Variants in LYN observed in about 807,000 individuals in gnomAD.
LYN encodes the protein LYN proto-oncogene, Src family tyrosine kinase.
A neutral mutation model predicts 65.0 loss-of-function variants in LYN; 12 were observed. The ratio of observed to expected loss-of-function variants is 0.18; its 90% confidence interval spans 0.12 to 0.30. LYN has a LOEUF of 0.30. Ranked by LOEUF, LYN falls within the 10% of genes least tolerant of loss-of-function variation. LYN has a pLI of 1.00. For missense variants in LYN, 380 were observed against 623.2 expected (o/e 0.61, Z 4.16); for synonymous variants, 222 against 221.2 (o/e 1.00, Z -0.03).
intron 10 of LYN, among the ~76,000 whole-genome samples, chr8:55,987,424 T>C (rs965252999): frequency 2.7e-5 from 4 of 147,752 alleles, no homozygotes; most frequent in African/African-American, 7.6e-5. Flanking sequence ...AAAAAAAAAA[T>C]CTTTTCTGTT....
intron 1 of LYN, among the ~76,000 whole-genome samples, chr8:55,916,841 A>G (rs1393593719): frequency 2.0e-5 from 3 of 152,038 alleles, no homozygotes; most frequent in African/African-American, 4.8e-5. Context: ...GAGGTCAGGG[A>G]TAGTTATTAT....
intron 8 of LYN, among the ~76,000 whole-genome samples, chr8:55,954,228 T>C (rs954072259): frequency 6.6e-6 from 1 of 152,244 alleles, no homozygotes; most frequent in Non-Finnish European, 1.5e-5. Flanking sequence ...TAATGGGTAT[T>C]TATCTTGATC....
intron 2 of LYN, among the ~76,000 whole-genome samples, chr8:55,942,419 GTA>G (rs201314597): frequency 0.051 from 6,712 of 130,916 alleles, 486 homozygotes; most frequent in African/African-American, 0.16. Flanking sequence ...ATATATGTGT[GTA>G]TATATATATA....
chr8:55,931,051 T>A (rs1377606029), intron 1 of LYN, among the ~76,000 whole-genome samples: 1 of 150,504 alleles, frequency 6.6e-6, no homozygotes, highest in Non-Finnish European at 1.5e-5. Context: ...AAAACTTTTT[T>A]ATTTTTCTGT....
rs1181155896 is a variant in LYN, at chr8:55,911,162, T to TATATATACGTGTATATATATGTAC, written c.-5-30685_-5-30684insGTGTATATATATGTACATATATAC. ...ATATATACGTGTATATATATGTACA[T>TATATATACGTGTATATATATGTAC]ATATATACACGTATATATATATATA... On this transcript the variant is annotated intron_variant, in intron 1 of 12. Coordinates refer to ENST00000519728, the MANE Select transcript of LYN (RefSeq NM_002350.4). Among the ~76,000 whole-genome samples the TATATATACGTGTATATATATGTAC allele has an allele frequency of 5.2e-4, 17 of 32,570 alleles. 4 individuals are homozygous for TATATATACGTGTATATATATGTAC. Among genetic ancestry groups the TATATATACGTGTATATATATGTAC allele is most frequent in the African/African-American group, 1.3e-3 (14 of 11,134 alleles). 21.4% of individuals were successfully genotyped at this position (32,570 alleles called of 152,430 possible). A position where few individuals can be genotyped will look rare whatever the true frequency, so the allele number is the denominator to read the frequency against.
chr8:55,948,434 C>A (rs1355557930), intron 4 of LYN, among the ~76,000 whole-genome samples: 12 of 152,220 alleles, frequency 7.9e-5, no homozygotes, highest in Admixed American at 7.9e-4. Context: ...TGAGCTACAG[C>A]AGCTGTGTTG....
rs56923750 is a variant in LYN at position 55,909,993 on chromosome 8, CT to C, written c.-6+29907del. Reference sequence around the variant, plus strand: ...GTTGTTTGTGTGTGTGTGTGTGTGTCTTTTTTTTTTTTTTTTTGAGTTGTTT... The same window carrying C: ...GTTGTTTGTGTGTGTGTGTGTGTGTCTTTTTTTTTTTTTTTTGAGTTGTTT... On this transcript the variant is annotated intron_variant, in intron 1 of 12. Transcript: ENST00000519728. Among the ~76,000 whole-genome samples, 627 of 138,046 alleles carry C rather than the reference CT, an allele frequency of 4.5e-3. 1 individual carries two copies. Among genetic ancestry groups the C allele is most frequent in the South Asian group, 9.2e-3 (41 of 4,470 alleles). 90.6% of individuals were successfully genotyped at this position (138,046 alleles called of 152,430 possible).
chr8:55,958,424 A>G (rs954753615), intron 8 of LYN, among the ~76,000 whole-genome samples: 2 of 152,246 alleles, frequency 1.3e-5, no homozygotes, highest in African/African-American at 4.8e-5. Flanking sequence ...TCTTGAGAAA[A>G]TACATCACTT....
In LYN at chr8:56,014,001, C is replaced by T. The variant is rs947489910; in HGVS notation, c.*3891C>T. On this transcript the variant is annotated 3_prime_UTR_variant, in exon 13 of 13. Coordinates refer to ENST00000519728, the MANE Select transcript of LYN (RefSeq NM_002350.4). ...ATTCTTTACTCAGGGCCCTCTTGTG[C>T]TTTGGCAAATGATAAAAATTATCTC... 2.6e-5 allele frequency: 4 copies of T among 152,200 alleles called. No homozygotes were observed. The highest frequency in any genetic ancestry group is 1.5e-5 in the Non-Finnish European group (1 of 68,036). The allele number at this position is 152,200 out of a possible 1,614,324, so 9.4% of individuals were successfully genotyped here.
intron 1 of LYN, among the ~76,000 whole-genome samples, chr8:55,881,822 C>T (rs1585556444): frequency 6.6e-6 from 1 of 152,180 alleles, no homozygotes; most frequent in South Asian, 2.1e-4. Context: ...ACAGTGGAAG[C>T]TCCATGAAAA....
intron 2 of LYN, among the ~76,000 whole-genome samples, chr8:55,944,012 C>T (rs962337633): frequency 1.3e-5 from 2 of 151,822 alleles, no homozygotes; most frequent in Non-Finnish European, 2.9e-5. Flanking sequence ...GAACCAGGAC[C>T]CGGGAGGGAG....
At chr8:56,003,061 TG>T (rs1050196800) in intron 12 of LYN, among the ~76,000 whole-genome samples, 3 of 150,642 alleles carry the variant, frequency 2.0e-5, no homozygotes, top group African/African-American at 7.4e-5. Context: ...TTTTGTTTTT[TG>T]TTTTTTTTTT....
At position 55,966,786 on chromosome 8, in the gene LYN, C is replaced by G. The variant is rs1431342818; in HGVS notation, c.862C>G (p.Leu288Val). The part of the protein sequence containing the change: ...KPGTMSVQAF[L>V]EEANLMKTLQ... ...AGGAACTATGTCTGTGCAAGCCTTC[C>G]TGGAAGAAGCCAACCTCATGAAGAC... The change falls in exon 9 of 13, where the codon CTG becomes GTG. Residue 288 changes from leucine to valine, a missense_variant. Transcript: ENST00000519728. The G allele has an allele frequency of 6.2e-7, 1 of 1,613,984 alleles. No homozygotes were observed. The highest frequency in any genetic ancestry group is 2.2e-5 in the East Asian group (1 of 44,902).
chr8:56,010,138 G>T lies in LYN; in HGVS notation c.*28G>T. On this transcript the variant is annotated 3_prime_UTR_variant, in exon 13 of 13. Transcript: ENST00000519728. ...CACAGGGAGACCCGTCCATTTGGCA[G>T]GGGTGGCTGCCTCATTTAGAGAGGA... 1 of 1,610,738 alleles carries T rather than the reference G, an allele frequency of 6.2e-7. No homozygotes were observed. Among genetic ancestry groups the T allele is most frequent in the South Asian group, 1.1e-5 (1 of 90,840 alleles).
intron 1 of LYN, among the ~76,000 whole-genome samples, chr8:55,909,064 T>A (rs919380366): frequency 7.2e-6 from 1 of 139,718 alleles, no homozygotes; most frequent in East Asian, 2.3e-4. Flanking sequence ...CCACATTTTC[T>A]TTACTTTTAT....
chr8:55,905,959 G>A (rs1333974157), intron 1 of LYN, among the ~76,000 whole-genome samples: 1 of 152,206 alleles, frequency 6.6e-6, no homozygotes, highest in African/African-American at 2.4e-5. Flanking sequence ...GGAGCATGTA[G>A]TCAGAAACCA....
Position 55,999,491 on chromosome 8 carries a change from G to A in LYN, c.1278G>A (p.Val426=). 1 of 1,613,684 alleles carries A rather than the reference G, an allele frequency of 6.2e-7. No individual in the cohort carries two copies. Among genetic ancestry groups the A allele is most frequent in the Non-Finnish European group, 8.5e-7 (1 of 1,179,572 alleles). ...NFGCFTIKSD[V]WSFGILLYEI... ...GATGTTTCACTATTAAGTCTGATGT[G>A]TGGTCCTTTGGAATCCTCCTATACG... is the stretch of plus-strand genomic sequence containing the variant. Residue 426 remains valine (V), a synonymous_variant, in exon 12 of 13, where the codon GTG becomes GTA. Coordinates refer to ENST00000519728, the MANE Select transcript of LYN (RefSeq NM_002350.4).
chr8:55,954,415 C>T (rs1164870657), intron 8 of LYN, among the ~76,000 whole-genome samples: 1 of 152,190 alleles, frequency 6.6e-6, no homozygotes, highest in Non-Finnish European at 1.5e-5. Flanking sequence ...CTAAGGTTCT[C>T]AAAGTCACGT....
At chr8:55,921,122 A>G (rs939136510) in intron 1 of LYN, among the ~76,000 whole-genome samples, 1 of 151,242 alleles carries the variant, frequency 6.6e-6, no homozygotes, top group East Asian at 1.9e-4. Context: ...CAATTTTGGG[A>G]GTTAACATTT....
Sources: allele counts gnomAD v4.1 joint callset (sites outside exome capture counted in the v4.1 genomes callset), GRCh38; gene constraint gnomAD v4.1.1; transcripts MANE v1.5; gene names NCBI Gene and HGNC (gene_info 2026-07-23, HGNC 2026-07-21).